RBFOX1: variants seen among roughly 807,000 people sequenced by gnomAD.
RBFOX1 encodes RNA binding protein fox-1 homolog 1.
RBFOX1 carries 8 observed loss-of-function variants against 57.7 expected under a neutral mutation model. That is an observed-to-expected ratio of 0.14 (90% CI 0.08 to 0.25). RBFOX1 has a LOEUF of 0.25. Ranked by LOEUF, RBFOX1 falls within the 10% of genes least tolerant of loss-of-function variation. The probability of loss-of-function intolerance (pLI) is 1.00; values close to 1 mark genes in which losing one functional copy is unlikely to be tolerated. For synonymous variants in RBFOX1, 326 were observed against 222.4 expected (o/e 1.47, Z -4.15); for missense variants, 611 against 548.5 (o/e 1.11, Z -1.14).
rs185438220 is a variant in RBFOX1, at chr16:6,744,206, T to C, written c.-16+89556T>C. Reference sequence around the variant, plus strand: ...ACATTAAATATTTATGCACCTCAACTTTAAAATACATGAAACAAAACTGTT... The same window carrying C: ...ACATTAAATATTTATGCACCTCAACCTTAAAATACATGAAACAAAACTGTT... On this transcript the variant is annotated intron_variant, in intron 3 of 15. Transcript: ENST00000550418. Among the ~76,000 whole-genome samples, 29 of 152,200 alleles carry C rather than the reference T, an allele frequency of 1.9e-4. 1 individual carries two copies. The East Asian group carries it at 5.0e-3, about 26-fold the overall frequency.
At chr16:6,818,452 GAATGCCAGTGAGAGTTTTATGAGTGAGTA>G (rs2090591665) in intron 3 of RBFOX1, among the ~76,000 whole-genome samples, 1 of 152,088 alleles carries the variant, frequency 6.6e-6, no homozygotes, top group African/African-American at 2.4e-5. Flanking sequence ...AAATATTATT[GAATGCCAGTGAGAGTTTTATGAGTGAGTA>G]AATGCCAGTG....
At chr16:6,225,441 G>T (rs2097409226) in intron 1 of RBFOX1, among the ~76,000 whole-genome samples, 1 of 152,084 alleles carries the variant, frequency 6.6e-6, no homozygotes, top group Non-Finnish European at 1.5e-5. Context: ...ACCCTATCTG[G>T]AATGTACATT....
At chr16:7,011,805 C>T (rs1421152024) in intron 3 of RBFOX1, among the ~76,000 whole-genome samples, 1 of 152,216 alleles carries the variant, frequency 6.6e-6, no homozygotes, top group African/African-American at 2.4e-5. Flanking sequence ...TGAGCCGCCG[C>T]ACCGTGCCCC....
chr16:6,596,088 T>A (rs1420914613), intron 2 of RBFOX1, among the ~76,000 whole-genome samples: 1 of 152,152 alleles, frequency 6.6e-6, no homozygotes, highest in African/African-American at 2.4e-5. Flanking sequence ...TTTTTACTTC[T>A]TATATGGGAT....
At chr16:6,724,687 C>A (rs576657959) in intron 3 of RBFOX1, among the ~76,000 whole-genome samples, 1 of 152,116 alleles carries the variant, frequency 6.6e-6, no homozygotes, top group Non-Finnish European at 1.5e-5. Context: ...TCAAAGTCAA[C>A]ATTTAAGAGT....
chr16:7,558,151 C>G (rs944287624), intron 5 of RBFOX1, among the ~76,000 whole-genome samples: 2 of 152,008 alleles, frequency 1.3e-5, no homozygotes, highest in Non-Finnish European at 2.9e-5. Context: ...CCCAGGAGTT[C>G]AAGATCACCC....
chr16:6,230,280 C>G (rs148900428), intron 1 of RBFOX1, among the ~76,000 whole-genome samples: 4 of 152,008 alleles, frequency 2.6e-5, no homozygotes, highest in Admixed American at 1.3e-4. Flanking sequence ...TTACTATATG[C>G]TTGGTAATTC....
intron 4 of RBFOX1, among the ~76,000 whole-genome samples, chr16:7,233,650 G>C (rs2093624854): frequency 6.6e-6 from 1 of 152,202 alleles, no homozygotes; most frequent in African/African-American, 2.4e-5. Context: ...CCTGGATGCT[G>C]CCCTTTCAAC....
At chr16:6,786,175 C>G (rs1031511946) in intron 3 of RBFOX1, among the ~76,000 whole-genome samples, 3 of 152,164 alleles carry the variant, frequency 2.0e-5, no homozygotes, top group Non-Finnish European at 4.4e-5. Context: ...CGAAGATTCC[C>G]ATGACCCTGT....
intron 2 of RBFOX1, among the ~76,000 whole-genome samples, chr16:6,500,720 A>G (rs1305248879): frequency 2.0e-5 from 3 of 152,144 alleles, no homozygotes; most frequent in South Asian, 4.2e-4. Flanking sequence ...TGACATCAAC[A>G]CTTGACAACA....
In RBFOX1 at chr16:6,952,935, T is replaced by C. The variant is rs191661671; in HGVS notation, c.-15-99122T>C. Among the ~76,000 whole-genome samples the C allele has an allele frequency of 2.0e-4, 30 of 152,154 alleles. No individual in the cohort carries two copies. In the East Asian group the frequency reaches 5.8e-3, roughly 29 times the overall value. ...GGTTGCAGTGAGCCTATTGCCCCAT[T>C]GCACTCCAGCCTGGGGGACAGAGCA... On this transcript the variant is annotated intron_variant, in intron 3 of 15. Coordinates refer to ENST00000550418, the MANE Select transcript of RBFOX1 (RefSeq NM_018723.4).
intron 2 of RBFOX1, among the ~76,000 whole-genome samples, chr16:6,371,435 G>C (rs767726632): frequency 6.6e-6 from 1 of 151,958 alleles, no homozygotes; most frequent in Non-Finnish European, 1.5e-5. Context: ...AACTACAATC[G>C]GTTACTTTCG....
At chr16:5,483,934 GTAGAGGCAGGAGGA>G (rs1274720069) in intron 2 of RBFOX1, among the ~76,000 whole-genome samples, 8 of 152,146 alleles carry the variant, frequency 5.3e-5, no homozygotes, top group African/African-American at 1.9e-4. Flanking sequence ...ACTTTGAGAG[GTAGAGGCAGGAGGA>G]TTGCTTGAGC....
At chr16:7,428,561 G>T (rs1400420412) in intron 4 of RBFOX1, among the ~76,000 whole-genome samples, 1 of 148,678 alleles carries the variant, frequency 6.7e-6, no homozygotes, top group African/African-American at 2.5e-5. Context: ...AGTAGAGACA[G>T]GGTTTTGCCA....
At chr16:5,371,624 G>T (rs937948510) in intron 1 of RBFOX1, among the ~76,000 whole-genome samples, 9 of 152,216 alleles carry the variant, frequency 5.9e-5, no homozygotes, top group Non-Finnish European at 1.0e-4. Context: ...GTGAGCCGGT[G>T]ATGTGTACAT....
intron 3 of RBFOX1, among the ~76,000 whole-genome samples, chr16:5,858,744 G>A (rs1163808228): frequency 6.6e-6 from 1 of 152,202 alleles, no homozygotes; most frequent in Non-Finnish European, 1.5e-5. Context: ...TGCAGAATTT[G>A]GTAGGAGATG....
At chr16:6,357,703 C>G (rs1372235751) in intron 2 of RBFOX1, among the ~76,000 whole-genome samples, 5 of 152,078 alleles carry the variant, frequency 3.3e-5, no homozygotes, top group East Asian at 1.9e-4. Context: ...AATCCCAGCA[C>G]TTTGGGAGTC....
intron 3 of RBFOX1, among the ~76,000 whole-genome samples, chr16:6,952,705 C>T (rs980664453): frequency 4.6e-5 from 7 of 151,974 alleles, no homozygotes; most frequent in Non-Finnish European, 7.4e-5. Flanking sequence ...GGGCCGGGCA[C>T]GGTGGCTCAT....
intron 1 of RBFOX1, among the ~76,000 whole-genome samples, chr16:6,163,137 G>A (rs911039005): frequency 2.6e-5 from 4 of 152,078 alleles, no homozygotes; most frequent in African/African-American, 4.8e-5. Context: ...GAAGGGTTGT[G>A]GTGTAAGTAG....
Sources: gnomAD v4.1 joint callset for allele counts (sites outside exome capture counted in the v4.1 genomes callset) on GRCh38, gnomAD v4.1.1 for gene constraint, MANE v1.5 for transcripts, NCBI Gene and HGNC (gene_info 2026-07-23, HGNC 2026-07-21) for gene names.